Variants in TRPM3 observed in about 807,000 individuals in gnomAD.
TRPM3 encodes long transient receptor potential channel 3.
Under a neutral mutation model 181.2 loss-of-function variants are expected in TRPM3, and 77 were observed. The ratio of observed to expected loss-of-function variants is 0.42; its 90% CI spans 0.35 to 0.51. The LOEUF is 0.51. Among genes scored for constraint, TRPM3 ranks in the 20% least tolerant of loss-of-function variants. The pLI, the probability that TRPM3 is intolerant of heterozygous loss-of-function variation, is 0.01. For synonymous variants in TRPM3, 745 were observed against 796.4 expected (o/e 0.94, Z 1.09); for missense variants, 1,759 against 2,196.7 (o/e 0.80, Z 3.98).
intron 1 of TRPM3, among the ~76,000 whole-genome samples, chr9:71,270,544 A>C (rs1411522847): frequency 6.6e-6 from 1 of 152,200 alleles, no homozygotes; most frequent in East Asian, 1.9e-4. Context: ...AGTGTCATAG[A>C]AACTGCTGCT....
At chr9:70,552,796 G>C (rs2046795159) in intron 24 of TRPM3, 48 bp downstream of exon 24, 5 of 1,595,030 alleles carry the variant, frequency 3.1e-6, no homozygotes, top group Non-Finnish European at 4.3e-6. Context: ...TATAGGAAGT[G>C]GTAGGGATTT....
intron 1 of TRPM3, among the ~76,000 whole-genome samples, chr9:71,199,423 G>C (rs527897307): frequency 1.3e-5 from 2 of 152,258 alleles, no homozygotes; most frequent in African/African-American, 4.8e-5. Flanking sequence ...TTTTTCTATG[G>C]ATTGGAATAG....
chr9:71,136,023 A>G (rs2074745813), intron 1 of TRPM3, among the ~76,000 whole-genome samples: 1 of 152,236 alleles, frequency 6.6e-6, no homozygotes, highest in African/African-American at 2.4e-5. Context: ...AATTAGCTGG[A>G]TGAATTTAAT....
chr9:70,540,998 T>C (rs563592769), intron 25 of TRPM3, among the ~76,000 whole-genome samples: 70 of 152,258 alleles, frequency 4.6e-4, no homozygotes, highest in African/African-American at 1.7e-3. Flanking sequence ...GTGCTGGGAT[T>C]TTCACAGGCA....
At chr9:70,939,614 G>A (rs1459946320) in intron 1 of TRPM3, among the ~76,000 whole-genome samples, 2 of 152,172 alleles carry the variant, frequency 1.3e-5, no homozygotes, top group African/African-American at 4.8e-5. Flanking sequence ...AGATTGAAAA[G>A]AGAAATATCC....
At position 70,640,392 on chromosome 9, in the gene TRPM3, T is replaced by G. The variant is rs567532911; in HGVS notation, c.1446+168A>C. Among the ~76,000 whole-genome samples the G allele has an allele frequency of 3.9e-5, 6 of 152,324 alleles. No homozygotes were observed. The Middle Eastern group carries it at 0.01, about 259-fold the overall frequency. ...TGAAATTTCCACTAGATGGCGGTGC[T>G]TTCCTAAATATGAGAAAGGGAGCTC... On this transcript the variant is annotated intron_variant, in intron 10 of 25. Transcript: ENST00000677713.
rs138120309 is a variant in TRPM3, at chr9:70,778,582, C to T, written c.1148+5523G>A. On this transcript the variant is annotated intron_variant, in intron 7 of 25. Transcript: ENST00000677713. Reference sequence around the variant, plus strand: ...GTTATAAAAAAGAATCAAGTTTTGACATGATTTCTCATAGAAAATTTTAGA... The same window carrying T: ...GTTATAAAAAAGAATCAAGTTTTGATATGATTTCTCATAGAAAATTTTAGA... 3.0e-3 allele frequency among the ~76,000 whole-genome samples: 453 copies of T among 152,266 alleles called. 2 individuals are homozygous for T. The highest frequency in any genetic ancestry group is 9.9e-3 in the African/African-American group (411 of 41,572).
chr9:70,627,922 C>G (rs558881743), intron 12 of TRPM3, among the ~76,000 whole-genome samples: 2 of 152,276 alleles, frequency 1.3e-5, no homozygotes, highest in South Asian at 2.1e-4. Context: ...AAGCTATCCT[C>G]AGGCTAAAAA....
chr9:71,207,401 T>C (rs528229308), intron 1 of TRPM3, among the ~76,000 whole-genome samples: 4 of 152,284 alleles, frequency 2.6e-5, no homozygotes, highest in East Asian at 3.8e-4. Context: ...ACCAAAGATA[T>C]AATTTAAATG....
At chr9:71,227,237 A>G (rs919453879) in intron 1 of TRPM3, among the ~76,000 whole-genome samples, 8 of 152,112 alleles carry the variant, frequency 5.3e-5, no homozygotes, top group Non-Finnish European at 1.0e-4. Context: ...ATTAAACAGT[A>G]TGTTTCTGAA....
At chr9:71,149,489 T>C (rs1053488762) in intron 1 of TRPM3, among the ~76,000 whole-genome samples, 7 of 152,022 alleles carry the variant, frequency 4.6e-5, no homozygotes, top group African/African-American at 1.4e-4. Flanking sequence ...TTATGGAATG[T>C]CTGCAAAAAA....
intron 1 of TRPM3, among the ~76,000 whole-genome samples, chr9:71,295,838 CAAAA>C (rs11383819): frequency 2.3e-5 from 2 of 86,670 alleles, no homozygotes; most frequent in Admixed American, 1.4e-4. Flanking sequence ...GATCCCGTCT[CAAAA>C]AAAAAAAAAA....
intron 1 of TRPM3, among the ~76,000 whole-genome samples, chr9:70,967,574 T>G (rs1476759885): frequency 2.6e-5 from 4 of 152,078 alleles, no homozygotes; most frequent in African/African-American, 9.7e-5. Context: ...CAAAGAACTT[T>G]TCATGTCTAT....
rs1050168657 is a variant in TRPM3 at position 71,066,106 on chromosome 9, G to A, written c.177+55072C>T. Among the ~76,000 whole-genome samples, 32 of 151,990 alleles carry A rather than the reference G, an allele frequency of 2.1e-4. 1 individual carries two copies. Among genetic ancestry groups the A allele is most frequent in the Admixed American group, 1.8e-3 (28 of 15,254 alleles). On this transcript the variant is annotated intron_variant, in intron 1 of 25. Transcript: ENST00000677713. ...GCTTTGCTTCAGAAAGGACAGAAAC[G>A]TATCACATATTTGAGAAATGTTCCT...
chr9:70,651,840 G>A lies in TRPM3; in HGVS notation c.1346-11180C>T, dbSNP rs867146556. On this transcript the variant is annotated intron_variant, in intron 9 of 25. Transcript: ENST00000677713. ...GGATGAGTTAGGTAGTCATGTCTAC[G>A]TTGGAAGTCCTGAAGGATTTTGTAG... Among the ~76,000 whole-genome samples the A allele has an allele frequency of 5.3e-5, 8 of 152,164 alleles. No individual in the cohort carries two copies. The South Asian group carries it at 1.2e-3, about 24-fold the overall frequency.
chr9:71,248,988 T>C (rs895785475), intron 1 of TRPM3, among the ~76,000 whole-genome samples: 11 of 152,332 alleles, frequency 7.2e-5, no homozygotes, highest in Admixed American at 1.3e-4. Context: ...AAGATATCTA[T>C]GATTTGCTTT....
intron 1 of TRPM3, among the ~76,000 whole-genome samples, chr9:71,072,253 G>A (rs1263909578): frequency 6.6e-6 from 1 of 152,048 alleles, no homozygotes; most frequent in African/African-American, 2.4e-5. Context: ...CAGCATCAAG[G>A]CCACAGTTTG....
At chr9:71,227,057 C>T (rs55975634) in intron 1 of TRPM3, among the ~76,000 whole-genome samples, 2,691 of 139,578 alleles carry the variant, frequency 0.019, 92 homozygotes, top group African/African-American at 0.07. Flanking sequence ...TGCAGTGAGC[C>T]GAGATCATGC....
intron 7 of TRPM3, chr9:70,776,450 T>C: frequency 1.4e-6 from 1 of 713,968 alleles, no homozygotes; most frequent in South Asian, 1.5e-5. Context: ...TCCTCTTCCT[T>C]TTTTCTTTCT....
Sources: allele counts gnomAD v4.1 joint callset (sites outside exome capture counted in the v4.1 genomes callset), GRCh38; gene constraint gnomAD v4.1.1; transcripts MANE v1.5; gene names NCBI Gene and HGNC (gene_info 2026-07-23, HGNC 2026-07-21).